The following PRR16 variants were observed in gnomAD, a reference collection of about 807,000 sequenced individuals.
The protein encoded by PRR16 is protein Largen.
Under a neutral mutation model 18.2 loss-of-function variants are expected in PRR16, and 6 were observed. The ratio of observed to expected loss-of-function variants is 0.33; its 90% CI spans 0.18 to 0.65. The LOEUF is 0.65. PRR16 is among the 30% of genes least tolerant of loss of function. The probability of loss-of-function intolerance (pLI) is 0.74; values close to 1 mark genes in which losing one functional copy is unlikely to be tolerated. For missense variants in PRR16, 412 were observed against 376.6 expected (o/e 1.09, Z -0.78); for synonymous variants, 151 against 147.8 (o/e 1.02, Z -0.16).
At chr5:120,665,548 A>C (rs1213935952) in intron 1 of PRR16, among the ~76,000 whole-genome samples, 2 of 152,118 alleles carry the variant, frequency 1.3e-5, no homozygotes, top group African/African-American at 4.8e-5. Context: ...TATGTCCTGA[A>C]TGGTATTGCC....
chr5:120,777,721 T>G, the PRR16 span, among the ~76,000 whole-genome samples: 1 of 152,106 alleles, frequency 6.6e-6, no homozygotes, highest in Non-Finnish European at 1.5e-5. Flanking sequence ...CCACAGTGTC[T>G]TACTAAGTTT....
intron 1 of PRR16, among the ~76,000 whole-genome samples, chr5:120,523,252 C>T (rs973653126): frequency 3.9e-5 from 6 of 152,224 alleles, no homozygotes; most frequent in South Asian, 2.1e-4. Context: ...AATAGCTCAA[C>T]ACTGGTGTTA....
intron 1 of PRR16, among the ~76,000 whole-genome samples, chr5:120,667,438 T>C (rs887337357): frequency 9.9e-5 from 15 of 152,192 alleles, no homozygotes; most frequent in Non-Finnish European, 1.9e-4. Flanking sequence ...GAAGCGTTTT[T>C]TGTGTCTCTA....
At chr5:120,658,000 G>C (rs1756043275) in intron 1 of PRR16, 1 of 151,920 alleles carries the variant, frequency 6.6e-6, no homozygotes, top group Admixed American at 6.6e-5. Context: ...ACCTTCCTGG[G>C]AATACTGGTG....
At chr5:120,711,544 C>T in the PRR16 span, among the ~76,000 whole-genome samples, 678 of 152,254 alleles carry the variant, frequency 4.5e-3, 5 homozygotes, top group African/African-American at 0.016. Context: ...AAACATTCAG[C>T]AGAAGGATAT....
chr5:120,514,814 T>C (rs1750934768), intron 1 of PRR16, among the ~76,000 whole-genome samples: 1 of 152,230 alleles, frequency 6.6e-6, no homozygotes, highest in African/African-American at 2.4e-5. Flanking sequence ...ATTTCTTTCT[T>C]TCTTCTGAGC....
At chr5:120,541,092 A>G (rs1751899253) in intron 1 of PRR16, among the ~76,000 whole-genome samples, 1 of 152,160 alleles carries the variant, frequency 6.6e-6, no homozygotes, top group South Asian at 2.1e-4. Context: ...GGACAGAGGT[A>G]ATACAGACTA....
chr5:120,634,043 A>G (rs533205108), intron 1 of PRR16, among the ~76,000 whole-genome samples: 2 of 152,326 alleles, frequency 1.3e-5, no homozygotes, highest in South Asian at 4.1e-4. Context: ...AACAAGTCTC[A>G]GTAAATTTAA....
chr5:120,658,504 A>G (rs533895038), intron 1 of PRR16: 1 of 152,064 alleles, frequency 6.6e-6, no homozygotes, highest in African/African-American at 2.4e-5. Flanking sequence ...TCCAAATAAT[A>G]TAATTAAATA....
chr5:120,564,700 G>A (rs1007888853), intron 1 of PRR16, among the ~76,000 whole-genome samples: 1 of 152,034 alleles, frequency 6.6e-6, no homozygotes, highest in African/African-American at 2.4e-5. Context: ...TTAAAACCAG[G>A]TACTGGCTGG....
At chr5:120,493,065 T>C (rs1053125275) in intron 1 of PRR16, among the ~76,000 whole-genome samples, 3 of 152,218 alleles carry the variant, frequency 2.0e-5, no homozygotes, top group Admixed American at 6.5e-5. Context: ...TTCTTTTGGA[T>C]AGATACAGAG....
the PRR16 span, among the ~76,000 whole-genome samples, chr5:120,720,325 C>G: frequency 6.6e-6 from 1 of 151,914 alleles, no homozygotes; most frequent in Non-Finnish European, 1.5e-5. Context: ...CATTTTTCCA[C>G]CAAAATTAAG....
At chr5:120,628,630 A>C in intron 1 of PRR16, among the ~76,000 whole-genome samples, 1 of 150,736 alleles carries the variant, frequency 6.6e-6, no homozygotes, top group Non-Finnish European at 1.5e-5. Context: ...TTTTCTACTC[A>C]TCTCTCTATC....
At chr5:120,719,312 G>T in the PRR16 span, among the ~76,000 whole-genome samples, 1 of 151,896 alleles carries the variant, frequency 6.6e-6, no homozygotes, top group Non-Finnish European at 1.5e-5. Flanking sequence ...AGATGTGATG[G>T]CATTTTTGGT....
intron 1 of PRR16, among the ~76,000 whole-genome samples, chr5:120,525,705 T>C (rs776549838): frequency 6.6e-6 from 1 of 151,452 alleles, no homozygotes; most frequent in Non-Finnish European, 1.5e-5. Flanking sequence ...AAGTAATTAA[T>C]GTAGATAAAA....
At chr5:120,667,260 C>G (rs1455254382) in intron 1 of PRR16, among the ~76,000 whole-genome samples, 1 of 151,728 alleles carries the variant, frequency 6.6e-6, no homozygotes, top group Admixed American at 6.6e-5. Flanking sequence ...TTGTAGTATT[C>G]TCTGATGGTA....
chr5:120,495,626 A>T (rs1414416514), intron 1 of PRR16, among the ~76,000 whole-genome samples: 2 of 152,076 alleles, frequency 1.3e-5, no homozygotes, highest in East Asian at 1.9e-4. Flanking sequence ...CAGAAGACTG[A>T]CTGTAGTATG....
At chr5:120,519,375 A>G (rs1751100007) in intron 1 of PRR16, among the ~76,000 whole-genome samples, 1 of 152,162 alleles carries the variant, frequency 6.6e-6, no homozygotes, top group South Asian at 2.1e-4. Flanking sequence ...CGTAATAAAA[A>G]GAAGAATGCT....
chr5:120,470,908 A>T (rs557702608), intron 1 of PRR16, among the ~76,000 whole-genome samples: 54 of 149,044 alleles, frequency 3.6e-4, no homozygotes, highest in African/African-American at 1.3e-3. Flanking sequence ...CACGTTTCCT[A>T]TTTTTTTTTT....
Sources: gnomAD v4.1 joint callset for allele counts (sites outside exome capture counted in the v4.1 genomes callset) on GRCh38, gnomAD v4.1.1 for gene constraint, MANE v1.5 for transcripts, NCBI Gene and HGNC (gene_info 2026-07-23, HGNC 2026-07-21) for gene names.